SUPT3H: variants seen among roughly 807,000 people sequenced by gnomAD.
The protein encoded by SUPT3H is transcription initiation protein SPT3 homolog.
A neutral mutation model predicts 44.3 loss-of-function variants in SUPT3H; 44 were observed. That is an observed-to-expected ratio of 0.99 (90% CI 0.78 to 1.28). The LOEUF is 1.28. SUPT3H is among the 50% of genes most tolerant of loss of function. The pLI, the probability that SUPT3H is intolerant of heterozygous loss-of-function variation, is 0.00. For missense variants in SUPT3H, 380 were observed against 387.1 expected (o/e 0.98, Z 0.15); for synonymous variants, 124 against 125.6 (o/e 0.99, Z 0.09).
At chr6:45,076,704 G>GT (rs1795045821) in intron 3 of SUPT3H, among the ~76,000 whole-genome samples, 1 of 152,142 alleles carries the variant, frequency 6.6e-6, no homozygotes, top group Non-Finnish European at 1.5e-5. Flanking sequence ...CCCTTTGGCT[G>GT]TCAAAATGAT....
intron 5 of SUPT3H, among the ~76,000 whole-genome samples, chr6:45,012,437 T>C (rs1224573033): frequency 3.3e-5 from 5 of 152,196 alleles, no homozygotes; most frequent in African/African-American, 9.6e-5. Flanking sequence ...AAAACAACTA[T>C]TGAGCCCTTC....
chr6:44,931,652 G>C (rs1236028660), intron 10 of SUPT3H, among the ~76,000 whole-genome samples: 8 of 152,118 alleles, frequency 5.3e-5, no homozygotes, highest in Admixed American at 3.9e-4. Flanking sequence ...CACCATTACA[G>C]AGAGCTTCTG....
At chr6:44,836,499 G>A (rs1407524428) in intron 10 of SUPT3H, among the ~76,000 whole-genome samples, 1 of 152,044 alleles carries the variant, frequency 6.6e-6, no homozygotes, top group Non-Finnish European at 1.5e-5. Context: ...ATGTAACCCA[G>A]AGCCCATAAA....
chr6:44,948,214 C>T (rs1773663020), intron 9 of SUPT3H, among the ~76,000 whole-genome samples: 1 of 152,134 alleles, frequency 6.6e-6, no homozygotes, highest in Non-Finnish European at 1.5e-5. Context: ...TAGATCCCTT[C>T]CTTACACCTT....
chr6:45,053,757 A>G (rs1790685341), intron 3 of SUPT3H, among the ~76,000 whole-genome samples: 1 of 149,698 alleles, frequency 6.7e-6, no homozygotes, highest in South Asian at 2.1e-4. Flanking sequence ...AAAAAAAAAA[A>G]AAAAAAAATT....
At chr6:45,056,192 C>T (rs1357570467) in intron 3 of SUPT3H, among the ~76,000 whole-genome samples, 2 of 152,002 alleles carry the variant, frequency 1.3e-5, no homozygotes, top group African/African-American at 2.4e-5. Context: ...TAGATGCTGT[C>T]GTGGATGTGG....
At chr6:45,321,717 T>C in intron 2 of SUPT3H, 3 of 993,596 alleles carry the variant, frequency 3.0e-6, no homozygotes, top group Non-Finnish European at 4.6e-6. Context: ...ACAATCTATT[T>C]GTATCTAATA....
intron 10 of SUPT3H, among the ~76,000 whole-genome samples, chr6:44,855,249 T>C (rs939485278): frequency 1.3e-5 from 2 of 152,160 alleles, no homozygotes; most frequent in Non-Finnish European, 2.9e-5. Flanking sequence ...CTGACGGGCT[T>C]GAGTCCCATC....
intron 2 of SUPT3H, among the ~76,000 whole-genome samples, chr6:45,116,336 G>C (rs894312261): frequency 6.6e-6 from 1 of 152,028 alleles, no homozygotes. Context: ...TAACATTTTA[G>C]CACAACTGCG....
Position 45,191,445 on chromosome 6 carries a change from T to C in SUPT3H, c.102-85439A>G, listed in dbSNP as rs548238613. Reference sequence around the variant, plus strand: ...GGAGGAATAGGTGGAGCACGCGGGATTTTTAAGGCAATGGAACTATTCTGT... The same window carrying C: ...GGAGGAATAGGTGGAGCACGCGGGACTTTTAAGGCAATGGAACTATTCTGT... On this transcript the variant is annotated intron_variant, in intron 2 of 10. Transcript: ENST00000371459. Among the ~76,000 whole-genome samples the C allele has an allele frequency of 2.6e-5, 4 of 152,182 alleles. No individual in the cohort carries two copies. In the South Asian group the frequency reaches 8.3e-4, roughly 32 times the overall value.
At chr6:45,354,182 GT>G (rs1289121399) in intron 2 of SUPT3H, among the ~76,000 whole-genome samples, 1 of 152,160 alleles carries the variant, frequency 6.6e-6, no homozygotes, top group Non-Finnish European at 1.5e-5. Context: ...CAAATAGTAG[GT>G]TTCAAGATTC....
intron 6 of SUPT3H, among the ~76,000 whole-genome samples, chr6:44,963,517 C>T (rs1399581922): frequency 6.6e-6 from 1 of 152,072 alleles, no homozygotes; most frequent in Admixed American, 6.5e-5. Context: ...AACAACCACA[C>T]AACCACGTCT....
intron 3 of SUPT3H, among the ~76,000 whole-genome samples, chr6:45,083,138 A>G (rs1391491979): frequency 6.6e-6 from 1 of 150,376 alleles, no homozygotes; most frequent in Non-Finnish European, 1.5e-5. Flanking sequence ...AAATGGAAAA[A>G]CATTCCATGT....
chr6:45,220,835 A>G (rs1765923239), intron 2 of SUPT3H, among the ~76,000 whole-genome samples: 1 of 152,204 alleles, frequency 6.6e-6, no homozygotes, highest in Admixed American at 6.5e-5. Context: ...AGGATCTAGA[A>G]CTGGAAATAC....
intron 2 of SUPT3H, among the ~76,000 whole-genome samples, chr6:45,219,040 A>C (rs1292098922): frequency 6.6e-6 from 1 of 152,188 alleles, no homozygotes; most frequent in Admixed American, 6.5e-5. Flanking sequence ...AGAAAGTCTA[A>C]AACTCATAAA....
In SUPT3H at chr6:45,172,833, G is replaced by A. The variant is rs149524483; in HGVS notation, c.102-66827C>T. Among the ~76,000 whole-genome samples the A allele has an allele frequency of 9.1e-3, 1,377 of 152,044 alleles. 57 individuals are homozygous for A. Among genetic ancestry groups the A allele is most frequent in the Admixed American group, 0.075 (1,147 of 15,276 alleles). ...TCTCGAACTCCTGACCTCGTGATCC[G>A]CCCATCTCAGCCTCCCAAAGTGCTG... On this transcript the variant is annotated intron_variant, in intron 2 of 10. Coordinates refer to ENST00000371459, the MANE Select transcript of SUPT3H (RefSeq NM_003599.4).
chr6:44,921,474 G>A (rs1484551463), intron 10 of SUPT3H, among the ~76,000 whole-genome samples: 2 of 152,130 alleles, frequency 1.3e-5, no homozygotes, highest in African/African-American at 2.4e-5. Context: ...AAAAATTAAG[G>A]CAAAGTTAGG....
rs528048367 is a variant in SUPT3H, at chr6:44,832,657, G to A, written c.913-2800C>T. ...CAAAGACAATACTTAATGTGTTTAA[G>A]GCCCAATTAGTTATAAAATTAGGAA... On this transcript the variant is annotated intron_variant, in intron 10 of 10. Coordinates refer to ENST00000371459, the MANE Select transcript of SUPT3H (RefSeq NM_003599.4). 7.9e-5 allele frequency among the ~76,000 whole-genome samples: 12 copies of A among 152,152 alleles called. No homozygotes were observed. In the East Asian group the frequency reaches 1.9e-3, roughly 25 times the overall value.
At chr6:45,069,594 T>C (rs998178804) in intron 3 of SUPT3H, among the ~76,000 whole-genome samples, 1 of 152,318 alleles carries the variant, frequency 6.6e-6, no homozygotes, top group African/African-American at 2.4e-5. Flanking sequence ...AGTACACTCA[T>C]AGTCACCTTC....
Sources: allele counts gnomAD v4.1 joint callset (sites outside exome capture counted in the v4.1 genomes callset), GRCh38; gene constraint gnomAD v4.1.1; transcripts MANE v1.5; gene names NCBI Gene and HGNC (gene_info 2026-07-23, HGNC 2026-07-21).